Variants in MCTP2 observed in about 807,000 individuals in gnomAD.
MCTP2 encodes multiple C2 and transmembrane domain containing 2.
In MCTP2, 132 loss-of-function variants were observed where a neutral mutation model predicts 111.6. The observed-to-expected ratio is 1.18, with a 90% confidence interval of 1.03 to 1.37. The LOEUF is 1.37. Ranked by LOEUF, MCTP2 falls within the 40% of genes most tolerant of loss-of-function variation. MCTP2 has a pLI of 0.00. For synonymous variants in MCTP2, 395 were observed against 387.7 expected (o/e 1.02, Z -0.22); for missense variants, 1,183 against 1,067.9 (o/e 1.11, Z -1.50).
intron 7 of MCTP2, chr15:94,341,655 A>G (rs1408239295): frequency 1.3e-5 from 2 of 152,068 alleles, no homozygotes; most frequent in Non-Finnish European, 2.9e-5. Flanking sequence ...TTATGCTTCT[A>G]GTTGTAGCTT....
chr15:94,402,976 C>G (rs143792552), intron 17 of MCTP2: 1 of 1,006,380 alleles, frequency 9.9e-7, no homozygotes, highest in East Asian at 9.6e-5. Context: ...CAGGCATAGC[C>G]TCATATAAAA....
intron 4 of MCTP2, among the ~76,000 whole-genome samples, chr15:94,322,466 T>C (rs2152378232): frequency 6.6e-6 from 1 of 152,322 alleles, no homozygotes; most frequent in East Asian, 1.9e-4. Flanking sequence ...TAAGTGAAAA[T>C]TAACTCTTGA....
At chr15:94,440,349 C>G in intron 18 of MCTP2, 51 bp downstream of exon 18, 2 of 1,605,158 alleles carry the variant, frequency 1.2e-6, no homozygotes, top group South Asian at 1.1e-5. Flanking sequence ...AATGTGTTAA[C>G]AACAAACTAC....
intron 12 of MCTP2, among the ~76,000 whole-genome samples, chr15:94,375,057 A>G (rs942905305): frequency 1.3e-5 from 2 of 152,202 alleles, no homozygotes; most frequent in Non-Finnish European, 1.5e-5. Context: ...AGGCCGTACA[A>G]GAAGCATGAC....
At chr15:94,400,436 T>TC (rs2081514581) in intron 16 of MCTP2, among the ~76,000 whole-genome samples, 1 of 152,120 alleles carries the variant, frequency 6.6e-6, no homozygotes, top group Admixed American at 6.6e-5. Flanking sequence ...AGCCTGGGTT[T>TC]CGCTCATGAC....
rs149954987 is a variant in MCTP2 at position 94,243,189 on chromosome 15, G to A, written c.-66+11525G>A. Among the ~76,000 whole-genome samples the A allele has an allele frequency of 5.5e-5, 8 of 145,564 alleles. No homozygotes were observed. The East Asian group carries it at 8.5e-4, about 15-fold the overall frequency. ...TACATACGTACGTATGTACGTATGC[G>A]TATATACGTATGCGTATATACGTAT... is the stretch of plus-strand genomic sequence containing the variant. On this transcript the variant is annotated intron_variant, in intron 1 of 22. Transcript: ENST00000357742.
rs1292648761 is a variant in MCTP2, at chr15:94,362,752, G to C, written c.1301+4140G>C. The stretch of plus-strand genomic sequence containing the variant: ...CATAGAATTATGGTAATGAATAAGA[G>C]GTTAAAAGCTATCATGGCAAGTAAA... On this transcript the variant is annotated intron_variant, in intron 10 of 22. Transcript: ENST00000357742. Among the ~76,000 whole-genome samples, 8 of 152,166 alleles carry C rather than the reference G, an allele frequency of 5.3e-5. No individual in the cohort carries two copies. In the South Asian group the frequency reaches 1.7e-3, roughly 31 times the overall value.
At chr15:94,325,778 C>G (rs549455222) in intron 4 of MCTP2, among the ~76,000 whole-genome samples, 1 of 149,898 alleles carries the variant, frequency 6.7e-6, no homozygotes, top group African/African-American at 2.5e-5. Context: ...TAGGCCTTAC[C>G]GAAATTCTGA....
At chr15:94,354,235 ATGTG>A (rs375576986) in intron 8 of MCTP2, among the ~76,000 whole-genome samples, 1 of 151,376 alleles carries the variant, frequency 6.6e-6, no homozygotes, top group East Asian at 1.9e-4. Flanking sequence ...TGCAGAACCT[ATGTG>A]TGTGTGTGTG....
At chr15:94,345,083 T>A in intron 7 of MCTP2, 46 bp from the exon 8 acceptor site, 3 of 1,603,610 alleles carry the variant, frequency 1.9e-6, no homozygotes, top group Non-Finnish European at 2.6e-6. Flanking sequence ...TATCTTCCTC[T>A]GTTTTATTTT....
At chr15:94,324,211 C>T (rs1330204762) in intron 4 of MCTP2, among the ~76,000 whole-genome samples, 1 of 152,226 alleles carries the variant, frequency 6.6e-6, no homozygotes, top group Non-Finnish European at 1.5e-5. Context: ...CCAGGCCTGG[C>T]TTGAACTTCA....
chr15:94,279,207 A>G (rs370222156), intron 1 of MCTP2, among the ~76,000 whole-genome samples: 8 of 152,320 alleles, frequency 5.3e-5, no homozygotes, highest in African/African-American at 1.9e-4. Flanking sequence ...TGCTTTGGGC[A>G]GTGTGATCAT....
intron 1 of MCTP2, among the ~76,000 whole-genome samples, chr15:94,272,330 AG>A (rs778481026): frequency 6.6e-6 from 1 of 152,136 alleles, no homozygotes; most frequent in Non-Finnish European, 1.5e-5. Context: ...TTGGGAGATG[AG>A]GGGTAGCAGT....
At chr15:94,252,694 A>G (rs146427495) in intron 1 of MCTP2, among the ~76,000 whole-genome samples, 96 of 151,978 alleles carry the variant, frequency 6.3e-4, no homozygotes, top group Admixed American at 1.8e-3. Flanking sequence ...TTCTAATTCT[A>G]AAGTTTGTAA....
At chr15:94,344,501 T>A (rs1000665814) in intron 7 of MCTP2, among the ~76,000 whole-genome samples, 2 of 152,140 alleles carry the variant, frequency 1.3e-5, no homozygotes, top group African/African-American at 4.8e-5. Flanking sequence ...TGGAGAGAAT[T>A]TGTAGACCAA....
chr15:94,351,065 C>G (rs1201016283), intron 8 of MCTP2, among the ~76,000 whole-genome samples: 3 of 152,016 alleles, frequency 2.0e-5, no homozygotes. Context: ...AAATTTAATG[C>G]AAAGCTTTTA....
At chr15:94,430,286 G>C (rs998701466) in intron 17 of MCTP2, among the ~76,000 whole-genome samples, 2 of 151,758 alleles carry the variant, frequency 1.3e-5, no homozygotes, top group African/African-American at 2.4e-5. Flanking sequence ...GCCAACTCCT[G>C]TTCCTTTTTC....
chr15:94,414,859 A>G (rs1215138426), intron 17 of MCTP2, among the ~76,000 whole-genome samples: 1 of 152,080 alleles, frequency 6.6e-6, no homozygotes, highest in Non-Finnish European at 1.5e-5. Context: ...TACATTACAG[A>G]CTTCGTAGCT....
At chr15:94,428,249 C>T (rs991149162) in intron 17 of MCTP2, among the ~76,000 whole-genome samples, 1 of 152,124 alleles carries the variant, frequency 6.6e-6, no homozygotes, top group Non-Finnish European at 1.5e-5. Context: ...CTTCACTCTC[C>T]TTTAAAGATA....
Sources: gnomAD v4.1 joint callset for allele counts (sites outside exome capture counted in the v4.1 genomes callset) on GRCh38, gnomAD v4.1.1 for gene constraint, MANE v1.5 for transcripts, NCBI Gene and HGNC (gene_info 2026-07-23, HGNC 2026-07-21) for gene names.